Variants in DPYD observed in about 807,000 individuals in gnomAD.
DPYD encodes dihydropyrimidine dehydrogenase, also known as dihydropyrimidine dehydrogenase [NADP(+)].
In DPYD, 109 loss-of-function variants were observed where a neutral mutation model predicts 116.2. That is an observed-to-expected ratio of 0.94 (90% CI 0.80 to 1.10). The LOEUF is 1.10. DPYD is among the 50% of genes least tolerant of loss of function. DPYD has a pLI of 0.00. For synonymous variants in DPYD, 440 were observed against 432.0 expected (o/e 1.02, Z -0.23); for missense variants, 1,302 against 1,254.5 (o/e 1.04, Z -0.57).
At chr1:97,667,004 C>G (rs1048283691) in intron 8 of DPYD, among the ~76,000 whole-genome samples, 1 of 152,166 alleles carries the variant, frequency 6.6e-6, no homozygotes. Context: ...CCCTGCTACT[C>G]ATTTTTTTAA....
chr1:97,328,140 A>T (rs1357146655), intron 16 of DPYD, among the ~76,000 whole-genome samples: 1 of 152,136 alleles, frequency 6.6e-6, no homozygotes, highest in Non-Finnish European at 1.5e-5. Flanking sequence ...CAGGGCTTCT[A>T]TGTCTTGCTC....
chr1:97,613,583 G>A (rs1324402798), intron 8 of DPYD, among the ~76,000 whole-genome samples: 2 of 151,914 alleles, frequency 1.3e-5, no homozygotes, highest in African/African-American at 2.4e-5. Flanking sequence ...CGCATGATCT[G>A]CCAATATGTG....
At chr1:97,323,430 GTGTATATGTACACGTA>G (rs1668471646) in intron 16 of DPYD, among the ~76,000 whole-genome samples, 2 of 86,272 alleles carry the variant, frequency 2.3e-5, no homozygotes, top group African/African-American at 3.3e-5. Flanking sequence ...ATATACATAT[GTGTATATGTACACGTA>G]TATACATATC....
chr1:97,425,157 C>A (rs1674793202), intron 14 of DPYD, among the ~76,000 whole-genome samples: 1 of 151,858 alleles, frequency 6.6e-6, no homozygotes, highest in African/African-American at 2.4e-5. Context: ...GCTTCTGCAT[C>A]AATACTATTT....
intron 1 of DPYD, among the ~76,000 whole-genome samples, chr1:97,889,893 C>T (rs925653549): frequency 7.2e-5 from 11 of 151,836 alleles, no homozygotes; most frequent in Admixed American, 7.2e-4. Context: ...TTAAATCATA[C>T]AAAATAGTTC....
At chr1:97,723,202 A>G (rs1663020936) in intron 4 of DPYD, among the ~76,000 whole-genome samples, 1 of 151,606 alleles carries the variant, frequency 6.6e-6, no homozygotes, top group African/African-American at 2.4e-5. Flanking sequence ...CAGCAATGAA[A>G]GTTATGTCTG....
chr1:97,380,045 A>C (rs1202954108), intron 15 of DPYD, among the ~76,000 whole-genome samples: 1 of 152,188 alleles, frequency 6.6e-6, no homozygotes, highest in Non-Finnish European at 1.5e-5. Flanking sequence ...GTATACTTCA[A>C]TAAAGCTTTT....
chr1:97,910,933 A>C (rs180753935), intron 1 of DPYD, among the ~76,000 whole-genome samples: 34 of 152,096 alleles, frequency 2.2e-4, no homozygotes, highest in African/African-American at 8.2e-4. Context: ...TTTTACTCTT[A>C]CATTAAAATG....
intron 12 of DPYD, among the ~76,000 whole-genome samples, chr1:97,520,439 C>T (rs370121327): frequency 1.3e-5 from 2 of 152,156 alleles, no homozygotes; most frequent in South Asian, 4.1e-4. Context: ...ACCACCTATA[C>T]ACTTTTCTGA....
intron 3 of DPYD, among the ~76,000 whole-genome samples, chr1:97,776,560 T>C (rs1666417427): frequency 6.6e-6 from 1 of 152,182 alleles, no homozygotes; most frequent in Non-Finnish European, 1.5e-5. Context: ...TCCCAAGACG[T>C]TCTCTCTAGT....
chr1:97,297,826 T>C (rs1370413013), intron 18 of DPYD, among the ~76,000 whole-genome samples: 1 of 152,216 alleles, frequency 6.6e-6, no homozygotes, highest in Non-Finnish European at 1.5e-5. Context: ...CATTTCACAA[T>C]CGAGAACGTA....
chr1:97,381,558 C>A (rs1671969647), intron 15 of DPYD, among the ~76,000 whole-genome samples: 1 of 152,138 alleles, frequency 6.6e-6, no homozygotes, highest in Admixed American at 6.5e-5. Context: ...CTCTAAGTCC[C>A]AGTAGTAATT....
intron 14 of DPYD, among the ~76,000 whole-genome samples, chr1:97,401,341 T>C (rs1454616824): frequency 1.3e-5 from 2 of 152,040 alleles, no homozygotes; most frequent in African/African-American, 4.8e-5. Flanking sequence ...TGAGACGGAG[T>C]CTTGCTCTGT....
chr1:97,900,253 T>C (rs1046932298), intron 1 of DPYD, among the ~76,000 whole-genome samples: 3 of 151,912 alleles, frequency 2.0e-5, no homozygotes, highest in East Asian at 3.9e-4. Flanking sequence ...AAAGGTGCTA[T>C]ACGCACTCTA....
intron 14 of DPYD, among the ~76,000 whole-genome samples, chr1:97,402,571 T>C (rs1673434184): frequency 6.6e-6 from 1 of 152,084 alleles, no homozygotes. Context: ...AAAAACAGTT[T>C]AGTTTTTCCT....
At chr1:97,342,814 G>A (rs538428256) in intron 16 of DPYD, among the ~76,000 whole-genome samples, 5 of 152,142 alleles carry the variant, frequency 3.3e-5, no homozygotes, top group Non-Finnish European at 7.4e-5. Context: ...TTTATTTAGT[G>A]GCCTTTGCAA....
intron 11 of DPYD, among the ~76,000 whole-genome samples, chr1:97,570,117 T>C (rs1652791732): frequency 6.6e-6 from 1 of 152,040 alleles, no homozygotes; most frequent in Non-Finnish European, 1.5e-5. Flanking sequence ...AAAGTTATTT[T>C]ACATTCTCCA....
chr1:97,795,826 T>C (rs1667544316), intron 3 of DPYD, among the ~76,000 whole-genome samples: 1 of 151,986 alleles, frequency 6.6e-6, no homozygotes, highest in South Asian at 2.1e-4. Flanking sequence ...AATGATAACA[T>C]CTCATTTTGT....
intron 11 of DPYD, among the ~76,000 whole-genome samples, chr1:97,569,803 C>T (rs1340970307): frequency 1.3e-5 from 2 of 151,976 alleles, no homozygotes; most frequent in Non-Finnish European, 1.5e-5. Flanking sequence ...TTAAATTATG[C>T]TGATCGGCAC....
Sources: gnomAD v4.1 joint callset for allele counts (sites outside exome capture counted in the v4.1 genomes callset) on GRCh38, gnomAD v4.1.1 for gene constraint, MANE v1.5 for transcripts, NCBI Gene and HGNC (gene_info 2026-07-23, HGNC 2026-07-21) for gene names.